The following LDLRAD4 variants were observed in gnomAD, a reference collection of about 807,000 sequenced individuals.
The protein encoded by LDLRAD4 is low density lipoprotein receptor class A domain containing 4.
Under a neutral mutation model 17.0 loss-of-function variants are expected in LDLRAD4, and 5 were observed. The ratio of observed to expected loss-of-function variants is 0.29; its 90% CI spans 0.15 to 0.62. The LOEUF is 0.62. Among genes scored for constraint, LDLRAD4 ranks in the 20% least tolerant of loss-of-function variants. The probability of loss-of-function intolerance (pLI) is 0.84; values close to 1 mark genes in which losing one functional copy is unlikely to be tolerated. For synonymous variants in LDLRAD4, 168 were observed against 171.8 expected (o/e 0.98, Z 0.17); for missense variants, 340 against 424.7 (o/e 0.80, Z 1.75).
chr18:13,540,104 G>A lies in LDLRAD4; in HGVS notation c.182-81013G>A, dbSNP rs980365182. ...AAAGTCCACAGTCAGAAGTTACGCA[G>A]CCAGATGCCAGGGAGGTTGAGTAAA... On this transcript the variant is annotated intron_variant, in intron 3 of 5. Transcript: ENST00000359446. Among the ~76,000 whole-genome samples, 3 of 152,234 alleles carry A rather than the reference G, an allele frequency of 2.0e-5. No individual in the cohort carries two copies. In the South Asian group the frequency reaches 6.2e-4, roughly 32 times the overall value.
rs2046534382 is a variant in LDLRAD4, at chr18:13,300,563, C to T, written c.-383+22375C>T. On this transcript the variant is annotated intron_variant, in intron 1 of 5. Transcript: ENST00000359446. This position sits in a 1 kb window ranked among gnomAD's most constrained non-coding sequence, Gnocchi z 4.2. ...CGGTAGAGATACCCGGAACCCTCTC[C>T]TTCTCCTGGCTTATTTCGGGGTGGG... is the stretch of plus-strand genomic sequence containing the variant. Among the ~76,000 whole-genome samples, 1 of 152,232 alleles carries T rather than the reference C, an allele frequency of 6.6e-6. No individual in the cohort carries two copies. Among genetic ancestry groups the T allele is most frequent in the African/African-American group, 2.4e-5 (1 of 41,462 alleles).
intron 2 of LDLRAD4, among the ~76,000 whole-genome samples, chr18:13,436,370 G>A (rs1028206686): frequency 9.2e-5 from 14 of 152,154 alleles, no homozygotes; most frequent in African/African-American, 3.4e-4. Flanking sequence ...TAAAATTAGT[G>A]AAGTGTGGAT....
intron 1 of LDLRAD4, among the ~76,000 whole-genome samples, chr18:13,345,192 C>T (rs1246506851): frequency 2.0e-5 from 3 of 152,116 alleles, no homozygotes; most frequent in Non-Finnish European, 4.4e-5. Flanking sequence ...AGTGTTTGAC[C>T]ATTCAGTATG....
chr18:13,271,607 CCT>C (rs1173140625), intron 1 of LDLRAD4, among the ~76,000 whole-genome samples: 14 of 152,164 alleles, frequency 9.2e-5, no homozygotes, highest in Admixed American at 9.2e-4. Context: ...CTGATAAGCC[CCT>C]GTTGCGTGAA....
exon 6 of LDLRAD4, chr18:13,646,455 C>T (rs1041269508): frequency 5.9e-5 from 9 of 152,248 alleles, no homozygotes; most frequent in Non-Finnish European, 1.3e-4. Context: ...CATCAAATAG[C>T]AGTGCATCGC....
chr18:13,527,861 G>C (rs955956453), intron 3 of LDLRAD4, among the ~76,000 whole-genome samples: 3 of 152,118 alleles, frequency 2.0e-5, no homozygotes, highest in Admixed American at 2.0e-4. Context: ...TGGAGACCCC[G>C]GGCTGCCACT....
At chr18:13,283,617 A>T (rs2045420981) in intron 1 of LDLRAD4, among the ~76,000 whole-genome samples, 1 of 152,148 alleles carries the variant, frequency 6.6e-6, no homozygotes, top group Admixed American at 6.5e-5. Flanking sequence ...AAGCCATTTA[A>T]CAAGTCTCTA....
intron 1 of LDLRAD4, among the ~76,000 whole-genome samples, chr18:13,324,587 G>A (rs756459911): frequency 2.0e-5 from 3 of 152,178 alleles, no homozygotes; most frequent in Non-Finnish European, 4.4e-5. Context: ...TCTCGCAGGA[G>A]CACGTTGACT....
intron 1 of LDLRAD4, among the ~76,000 whole-genome samples, chr18:13,247,215 T>A (rs1003851766): frequency 6.6e-6 from 1 of 152,170 alleles, no homozygotes; most frequent in African/African-American, 2.4e-5. Flanking sequence ...AAGCCACCAC[T>A]TTTTTACAAA....
At chr18:13,446,217 G>A (rs1568165697) in intron 3 of LDLRAD4, among the ~76,000 whole-genome samples, 1 of 152,124 alleles carries the variant, frequency 6.6e-6, no homozygotes, top group East Asian at 1.9e-4. Flanking sequence ...AGGGCGGTGG[G>A]GTGATTTACT....
intron 3 of LDLRAD4, among the ~76,000 whole-genome samples, chr18:13,563,812 G>T (rs1209942974): frequency 2.0e-5 from 3 of 152,314 alleles, no homozygotes; most frequent in East Asian, 1.9e-4. Flanking sequence ...GCCTCTAAAG[G>T]CCCCTCAGTG....
At chr18:13,432,019 G>A (rs1367366872) in intron 2 of LDLRAD4, among the ~76,000 whole-genome samples, 1 of 152,212 alleles carries the variant, frequency 6.6e-6, no homozygotes, top group African/African-American at 2.4e-5. Flanking sequence ...GACACCAGGT[G>A]AGGCATGAGC....
intron 4 of LDLRAD4, among the ~76,000 whole-genome samples, chr18:13,625,735 C>T (rs1270268934): frequency 1.6e-5 from 2 of 129,026 alleles, no homozygotes; most frequent in Non-Finnish European, 3.3e-5. Flanking sequence ...CACCCTCCTC[C>T]CCCCACCAGA....
intron 1 of LDLRAD4, among the ~76,000 whole-genome samples, chr18:13,324,909 T>C (rs1376771951): frequency 6.6e-6 from 1 of 152,212 alleles, no homozygotes; most frequent in Non-Finnish European, 1.5e-5. Flanking sequence ...GCTCACTGAA[T>C]ACATGTGACA....
At chr18:13,386,281 G>T (rs56101722) in intron 1 of LDLRAD4, among the ~76,000 whole-genome samples, 61,133 of 151,932 alleles carry the variant, frequency 0.4, 13,815 homozygotes, top group Non-Finnish European at 0.51. Context: ...TGATCCTTTG[G>T]GCTTCTGTCA....
At chr18:13,302,460 A>G (rs1421500270) in intron 1 of LDLRAD4, among the ~76,000 whole-genome samples, 1 of 152,210 alleles carries the variant, frequency 6.6e-6, no homozygotes, top group Non-Finnish European at 1.5e-5. Flanking sequence ...TACCTGGGGA[A>G]TGGGATACTT....
At chr18:13,549,294 A>G (rs1291038126) in intron 3 of LDLRAD4, among the ~76,000 whole-genome samples, 2 of 152,182 alleles carry the variant, frequency 1.3e-5, no homozygotes, top group African/African-American at 4.8e-5. Context: ...AAGAAGTTGG[A>G]GTTTTGTTTA....
At chr18:13,241,268 A>C (rs1378225841) in intron 1 of LDLRAD4, 4 of 152,114 alleles carry the variant, frequency 2.6e-5, no homozygotes, top group African/African-American at 9.7e-5. Context: ...CTCACATGGC[A>C]CCTCACAGGG....
At chr18:13,224,829 TC>T (rs1297698032) in intron 1 of LDLRAD4, among the ~76,000 whole-genome samples, 1 of 150,038 alleles carries the variant, frequency 6.7e-6, no homozygotes, top group Non-Finnish European at 1.5e-5. Context: ...TAAGAGTCTC[TC>T]TTTTTTTTTT....
Sources: allele counts gnomAD v4.1 joint callset (sites outside exome capture counted in the v4.1 genomes callset), GRCh38; gene constraint gnomAD v4.1.1; non-coding constraint Gnocchi (gnomAD v3.1); transcripts MANE v1.5; gene names NCBI Gene and HGNC (gene_info 2026-07-23, HGNC 2026-07-21).